UTRN: variants seen among roughly 807,000 people sequenced by gnomAD.
UTRN encodes dystrophin-related protein 1.
Under a neutral mutation model 463.9 loss-of-function variants are expected in UTRN, and 283 were observed. That is an observed-to-expected ratio of 0.61 (90% confidence interval 0.55 to 0.67). The LOEUF is 0.67. Ranked by LOEUF, UTRN falls within the 30% of genes least tolerant of loss-of-function variation. The pLI is 0.00. For missense variants in UTRN, 3,922 were observed against 4,084.3 expected, an observed-to-expected ratio of 0.96 and a Z score of 1.08; for synonymous variants, 1,442 against 1,431.5, an observed-to-expected ratio of 1.01 and a Z score of -0.17.
rs375139447 is a variant in UTRN, at chr6:144,491,073, G to A, written c.4408G>A (p.Val1470Ile). ...GGATGTGAAGGACGTAGACCCTGAC[G>A]TCATACAGACGCACCTGGACAAGTG... Reference protein sequence around the residue: ...VLDVKDVDPDVIQTHLDKCMK... With the variant: ...VLDVKDVDPDIIQTHLDKCMK... The change falls in exon 32 of 75, where the codon GTC becomes ATC. Residue 1470 changes from valine (V) to isoleucine (I), a missense_variant. Physicochemically the swap from Val to Ile is conservative, Grantham distance 29 (BLOSUM62 3). Transcript: ENST00000367545. 23 of 1,611,958 alleles carry A rather than the reference G, an allele frequency of 1.4e-5. No homozygotes were observed. Among genetic ancestry groups the A allele is most frequent in the South Asian group, 4.4e-5 (4 of 90,678 alleles).
intron 51 of UTRN, among the ~76,000 whole-genome samples, chr6:144,608,804 G>T (rs13203229): frequency 6.6e-6 from 1 of 152,094 alleles, no homozygotes; most frequent in South Asian, 2.1e-4. Context: ...TTTGCTGGCT[G>T]CAATTTGTTT....
chr6:144,516,817 G>T lies in UTRN; in HGVS notation c.5410G>T (p.Glu1804Ter). 6.8e-7 allele frequency: 1 copy of T among 1,473,662 alleles called. No homozygotes were observed. Among genetic ancestry groups the T allele is most frequent in the South Asian group, 1.5e-5 (1 of 65,900 alleles). 91.3% of individuals were successfully genotyped at this position (1,473,662 alleles called of 1,614,324 possible). A position where few individuals can be genotyped will look rare whatever the true frequency, so the allele number is the denominator to read the frequency against. ...ESSDEDEKMD[E>*]ESAQIEEVLQ... ...TTTCCTTTTAAAAATTTAGATGGATGAGGAGAGTGCCCAGATTGAGGAAGT... is the reference window on the plus strand; with the variant it reads ...TTTCCTTTTAAAAATTTAGATGGATTAGGAGAGTGCCCAGATTGAGGAAGT... Residue 1804 changes from glutamate (E) to a stop codon, truncating the protein, a stop_gained, in exon 39 of 75, where the codon GAG (glutamate) becomes TAG (stop). Transcript: ENST00000367545. LOFTEE classifies it high-confidence loss of function.
At chr6:144,707,902 A>G (rs1014804290) in intron 53 of UTRN, among the ~76,000 whole-genome samples, 3 of 152,152 alleles carry the variant, frequency 2.0e-5, no homozygotes, top group African/African-American at 4.8e-5. Flanking sequence ...GAAAATTTCA[A>G]TAAGGTTCTT....
chr6:144,388,216 T>C (rs937730503), intron 2 of UTRN, among the ~76,000 whole-genome samples: 15 of 152,204 alleles, frequency 9.9e-5, no homozygotes, highest in Admixed American at 2.0e-4. Context: ...ACTGTGTATA[T>C]TCTTTAATGA....
chr6:144,514,941 C>A, intron 37 of UTRN, 121 bp downstream of exon 37: 1 of 1,112,664 alleles, frequency 9.0e-7, no homozygotes, highest in Non-Finnish European at 1.2e-6. Context: ...TTTTCTCTCT[C>A]TGTCACCGAG....
chr6:144,649,079 T>C (rs1188597886), intron 51 of UTRN, among the ~76,000 whole-genome samples: 1 of 152,030 alleles, frequency 6.6e-6, no homozygotes, highest in Non-Finnish European at 1.5e-5. Context: ...CCGATTTGGA[T>C]AGGGAATTGT....
intron 2 of UTRN, among the ~76,000 whole-genome samples, chr6:144,383,459 G>A (rs1327055214): frequency 6.6e-6 from 1 of 152,174 alleles, no homozygotes; most frequent in African/African-American, 2.4e-5. Flanking sequence ...ACCCAGGGCT[G>A]GTTACCTGCT....
chr6:144,725,616 A>C (rs964421341), intron 53 of UTRN, among the ~76,000 whole-genome samples: 2 of 152,236 alleles, frequency 1.3e-5, no homozygotes, highest in African/African-American at 4.8e-5. Context: ...CTCTGTGTAC[A>C]AAACAGCTCA....
intron 2 of UTRN, among the ~76,000 whole-genome samples, chr6:144,347,649 G>C (rs1777698900): frequency 6.6e-6 from 1 of 152,104 alleles, no homozygotes; most frequent in Non-Finnish European, 1.5e-5. Flanking sequence ...GGCTGATCTG[G>C]GGGAATGCTG....
intron 51 of UTRN, among the ~76,000 whole-genome samples, chr6:144,594,562 C>A (rs1384758937): frequency 6.6e-6 from 1 of 152,074 alleles, no homozygotes; most frequent in African/African-American, 2.4e-5. Context: ...AAAATTAGTA[C>A]AGTAAAGCAG....
At chr6:144,592,591 G>A (rs189440771) in intron 51 of UTRN, among the ~76,000 whole-genome samples, 4 of 152,052 alleles carry the variant, frequency 2.6e-5, no homozygotes, top group East Asian at 3.9e-4. Flanking sequence ...TGATAGTCTC[G>A]ATCTCTTGAC....
chr6:144,627,921 T>TGAGAATC, intron 51 of UTRN, among the ~76,000 whole-genome samples: 1 of 149,980 alleles, frequency 6.7e-6, no homozygotes, highest in East Asian at 2.0e-4. Context: ...TGCCTCAGCC[T>TGAGAATC]CCTGAGTAGC....
Position 144,678,315 on chromosome 6 carries a change from G to A in UTRN, c.7480-91G>A, listed in dbSNP as rs946301535. The A allele has an allele frequency of 8.9e-6, 11 of 1,235,282 alleles. No homozygotes were observed. The African/African-American group carries it at 1.7e-4, about 19-fold the overall frequency. The allele number at this position is 1,235,282 out of a possible 1,614,324, so 76.5% of individuals were successfully genotyped here. On this transcript the variant is annotated intron_variant, in intron 51 of 74. Transcript: ENST00000367545. ...AATTTCTTATAATTTAAGGTGAAAT[G>A]AACTATTTTGCTTGAGAGCAACTCA...
intron 51 of UTRN, among the ~76,000 whole-genome samples, chr6:144,625,839 A>G (rs1293880709): frequency 6.6e-6 from 1 of 152,220 alleles, no homozygotes; most frequent in African/African-American, 2.4e-5. Flanking sequence ...TTATGTGACA[A>G]AAATAATTGA....
chr6:144,799,556 G>A (rs1489758898), intron 64 of UTRN: 2 of 465,666 alleles, frequency 4.3e-6, no homozygotes, highest in African/African-American at 2.0e-5. Flanking sequence ...ATGGGAGAGG[G>A]AATAGCTGGA....
intron 2 of UTRN, among the ~76,000 whole-genome samples, chr6:144,388,448 G>T (rs1029557356): frequency 1.3e-5 from 2 of 151,498 alleles, no homozygotes; most frequent in African/African-American, 4.9e-5. Flanking sequence ...GAGTAGCTGG[G>T]ACTACAGGTG....
intron 33 of UTRN, among the ~76,000 whole-genome samples, chr6:144,496,822 A>G (rs905968558): frequency 6.6e-6 from 1 of 152,170 alleles, no homozygotes; most frequent in Non-Finnish European, 1.5e-5. Flanking sequence ...TTCCCTGAGG[A>G]GGTGATGCAT....
intron 51 of UTRN, among the ~76,000 whole-genome samples, chr6:144,577,936 C>T (rs932090779): frequency 6.6e-6 from 1 of 152,146 alleles, no homozygotes; most frequent in Non-Finnish European, 1.5e-5. Context: ...AGTGTGGTGC[C>T]TCACGCCTGT....
At chr6:144,742,569 A>G (rs1197625074) in intron 54 of UTRN, among the ~76,000 whole-genome samples, 1 of 152,164 alleles carries the variant, frequency 6.6e-6, no homozygotes, top group East Asian at 1.9e-4. Context: ...TGGCTAATCA[A>G]CCTGGTTTGC....
Sources: allele counts gnomAD v4.1 joint callset (sites outside exome capture counted in the v4.1 genomes callset), GRCh38; gene constraint gnomAD v4.1.1; transcripts MANE v1.5; gene names NCBI Gene and HGNC (gene_info 2026-07-23, HGNC 2026-07-21).